The following WWOX variants were observed in gnomAD, a reference collection of about 807,000 sequenced individuals.
The protein encoded by WWOX is WW domain containing oxidoreductase, also known as WW domain-containing oxidoreductase.
WWOX carries 69 observed loss-of-function variants against 46.2 expected under a neutral mutation model. The observed-to-expected ratio is 1.49, with a 90% CI of 1.23 to 1.82. The LOEUF (loss-of-function observed/expected upper bound fraction) is 1.82, where lower values mean the gene tolerates loss of function less well. Ranked by LOEUF, WWOX falls within the 40% of genes most tolerant of loss-of-function variation. WWOX has a pLI of 0.00. For missense variants in WWOX, 919 were observed against 542.6 expected (o/e 1.69, Z -6.89); for synonymous variants, 359 against 202.6 (o/e 1.77, Z -6.56).
chr16:78,496,005 G>C (rs1383024508), intron 8 of WWOX: 2 of 152,124 alleles, frequency 1.3e-5, no homozygotes, highest in African/African-American at 2.4e-5. Context: ...CACCTGAAAG[G>C]GTGTCTTTTG....
chr16:78,158,637 G>A (rs2034682266), intron 4 of WWOX, among the ~76,000 whole-genome samples: 1 of 151,818 alleles, frequency 6.6e-6, no homozygotes, highest in Non-Finnish European at 1.5e-5. Flanking sequence ...TAAATTCATT[G>A]GTATAAAGTT....
At chr16:78,754,943 C>G (rs553824435) in intron 8 of WWOX, among the ~76,000 whole-genome samples, 1 of 151,622 alleles carries the variant, frequency 6.6e-6, no homozygotes, top group Non-Finnish European at 1.5e-5. Context: ...AGAATGCTGT[C>G]CACAAAGAGC....
chr16:78,634,435 C>T (rs1486964397), intron 8 of WWOX, among the ~76,000 whole-genome samples: 3 of 152,120 alleles, frequency 2.0e-5, no homozygotes, highest in African/African-American at 7.2e-5. Context: ...CAGCCGGGCG[C>T]AGTGGCTCAT....
chr16:78,257,889 C>A (rs1186663613), intron 5 of WWOX, among the ~76,000 whole-genome samples: 1 of 151,756 alleles, frequency 6.6e-6, no homozygotes, highest in African/African-American at 2.4e-5. Context: ...TCTTTTCTTT[C>A]TAGAAACAGG....
At chr16:78,832,566 C>T (rs566577518) in intron 8 of WWOX, among the ~76,000 whole-genome samples, 1 of 152,290 alleles carries the variant, frequency 6.6e-6, no homozygotes, top group African/African-American at 2.4e-5. Context: ...AACACCTGCT[C>T]GCTTCACTGG....
intron 8 of WWOX, among the ~76,000 whole-genome samples, chr16:78,485,867 G>A (rs890770067): frequency 1.3e-5 from 2 of 152,198 alleles, no homozygotes; most frequent in South Asian, 2.1e-4. Flanking sequence ...CAGAATGTCA[G>A]CATGGATCAC....
chr16:78,488,012 T>C (rs527632046), intron 8 of WWOX, among the ~76,000 whole-genome samples: 32 of 152,242 alleles, frequency 2.1e-4, no homozygotes, highest in Non-Finnish European at 4.0e-4. Context: ...AAATGGGGCT[T>C]CTAAAATAAG....
chr16:78,291,067 G>A (rs4888775), intron 5 of WWOX, among the ~76,000 whole-genome samples: 103,482 of 152,076 alleles, frequency 0.68, 36,086 homozygotes, highest in East Asian at 1. Flanking sequence ...AGTTTACACA[G>A]TGCACTTTCT....
intron 8 of WWOX, among the ~76,000 whole-genome samples, chr16:78,803,994 G>T (rs919763680): frequency 6.6e-6 from 1 of 152,108 alleles, no homozygotes; most frequent in Non-Finnish European, 1.5e-5. Flanking sequence ...GCTGATTGAT[G>T]ATGAGATAGA....
At chr16:78,209,255 G>A (rs1159890079) in intron 5 of WWOX, among the ~76,000 whole-genome samples, 1 of 152,152 alleles carries the variant, frequency 6.6e-6, no homozygotes, top group African/African-American at 2.4e-5. Flanking sequence ...TCAGCAAGGA[G>A]CTCTGCAGCC....
intron 8 of WWOX, among the ~76,000 whole-genome samples, chr16:79,200,140 C>A (rs968521613): frequency 1.2e-4 from 18 of 152,256 alleles, no homozygotes; most frequent in African/African-American, 4.1e-4. Context: ...GCACCATAGA[C>A]CCCTTCTGGT....
At chr16:78,285,863 A>G (rs1355891803) in intron 5 of WWOX, among the ~76,000 whole-genome samples, 1 of 152,182 alleles carries the variant, frequency 6.6e-6, no homozygotes, top group Non-Finnish European at 1.5e-5. Flanking sequence ...TCAAAGAACA[A>G]GCTTTCTGTC....
chr16:78,240,385 G>T (rs1039861953), intron 5 of WWOX, among the ~76,000 whole-genome samples: 1 of 152,160 alleles, frequency 6.6e-6, no homozygotes, highest in African/African-American at 2.4e-5. Context: ...GCTCTGTGAA[G>T]TCAGAGGCAG....
chr16:78,249,078 C>T (rs1267208305), intron 5 of WWOX, among the ~76,000 whole-genome samples: 1 of 152,068 alleles, frequency 6.6e-6, no homozygotes, highest in African/African-American at 2.4e-5. Context: ...TGGTCTTGAT[C>T]TCCTGACCTT....
chr16:78,138,926 A>G (rs773081548), intron 4 of WWOX, among the ~76,000 whole-genome samples: 1 of 151,984 alleles, frequency 6.6e-6, no homozygotes, highest in South Asian at 2.1e-4. Context: ...GTTTCTTGCA[A>G]CTCCTAACAT....
chr16:79,126,613 C>G (rs553733563), intron 8 of WWOX, among the ~76,000 whole-genome samples: 1 of 152,130 alleles, frequency 6.6e-6, no homozygotes, highest in Admixed American at 6.5e-5. Flanking sequence ...GTCAATTAAA[C>G]CTCTTTCCTT....
intron 8 of WWOX, among the ~76,000 whole-genome samples, chr16:78,663,594 C>T (rs1456491067): frequency 1.3e-5 from 2 of 152,136 alleles, no homozygotes; most frequent in Admixed American, 1.3e-4. Context: ...TTAGGGCAGA[C>T]TTCTATTTTC....
rs182947492 is a variant in WWOX at position 78,160,368 on chromosome 16, A to G, written c.410-3815A>G. Among the ~76,000 whole-genome samples the G allele has an allele frequency of 2.8e-4, 42 of 151,650 alleles. 1 individual carries two copies. The highest frequency in any genetic ancestry group is 2.8e-3 in the Admixed American group (42 of 15,232). ...TCGAACTCTTGGGCTCAAGCGATCC[A>G]CCCGCCTCGGCCACCCCGATTCCTG... On this transcript the variant is annotated intron_variant, in intron 4 of 8. Transcript: ENST00000566780.
At chr16:79,052,959 T>G in intron 8 of WWOX, among the ~76,000 whole-genome samples, 1 of 120,412 alleles carries the variant, frequency 8.3e-6, no homozygotes, top group Admixed American at 1.0e-4. Flanking sequence ...AGTATGTTTG[T>G]GTATTTGGGG....
Sources: allele counts gnomAD v4.1 joint callset (sites outside exome capture counted in the v4.1 genomes callset), GRCh38; gene constraint gnomAD v4.1.1; transcripts MANE v1.5; gene names NCBI Gene and HGNC (gene_info 2026-07-23, HGNC 2026-07-21).